The following FAS variants were observed in gnomAD, a reference collection of about 807,000 sequenced individuals.
FAS encodes Fas cell surface death receptor, also known as tumor necrosis factor receptor superfamily member 6.
Under a neutral mutation model 33.2 loss-of-function variants are expected in FAS, and 5 were observed. That is an observed-to-expected ratio of 0.15 (90% CI 0.08 to 0.32). FAS has a LOEUF of 0.32. Among genes scored for constraint, FAS ranks in the 10% least tolerant of loss-of-function variants. FAS has a pLI of 1.00. For missense variants in FAS, 339 were observed against 386.0 expected (o/e 0.88, Z 1.02); for synonymous variants, 131 against 130.7 (o/e 1.00, Z -0.01).
chr10:88,984,568 C>A (rs7916294), upstream of FAS, among the ~76,000 whole-genome samples: 54,726 of 152,090 alleles, frequency 0.36, 10,728 homozygotes, highest in African/African-American at 0.49. Flanking sequence ...CCAGTGTTTG[C>A]AAACTGGTTC....
chr10:88,968,572 G>A (rs1293110362), intron 1 of FAS, among the ~76,000 whole-genome samples: 1 of 152,196 alleles, frequency 6.6e-6, no homozygotes, highest in Non-Finnish European at 1.5e-5. Flanking sequence ...TAGAGAGGAA[G>A]AGAAAATTCT....
chr10:89,016,998 C>A lies in FAS; in HGVS notation c.*2548C>A, dbSNP rs567998629. 2.9e-4 allele frequency: 52 copies of A among 181,696 alleles called. No homozygotes were observed. The highest frequency in any genetic ancestry group is 2.1e-3 in the Middle Eastern group (1 of 474). The allele number at this position is 181,696 out of a possible 1,614,324, so 11.3% of individuals were successfully genotyped here. On this transcript the variant is annotated 3_prime_UTR_variant, in exon 9 of 9. Coordinates refer to ENST00000652046, the MANE Select transcript of FAS (RefSeq NM_000043.6). ...TGGTAATTTGTTTGGGTTTAGAATT[C>A]TATACAAGGCCATTTGTAATTTTCC...
intron 1 of FAS, among the ~76,000 whole-genome samples, chr10:88,965,112 A>C (rs1446586982): frequency 6.6e-6 from 1 of 152,114 alleles, no homozygotes; most frequent in Non-Finnish European, 1.5e-5. Flanking sequence ...AAACCTTCTT[A>C]GATGCATTTT....
In FAS at chr10:89,016,993, G is replaced by T. The variant is rs1848829410; in HGVS notation, c.*2543G>T. The T allele has an allele frequency of 5.5e-6, 1 of 182,104 alleles. No individual in the cohort carries two copies. Among genetic ancestry groups the T allele is most frequent in the African/African-American group, 2.4e-5 (1 of 42,444 alleles). 11.3% of individuals were successfully genotyped at this position (182,104 alleles called of 1,614,324 possible). A position where few individuals can be genotyped will look rare whatever the true frequency, so the allele number is the denominator to read the frequency against. On this transcript the variant is annotated 3_prime_UTR_variant, in exon 9 of 9. Coordinates refer to ENST00000652046, the MANE Select transcript of FAS (RefSeq NM_000043.6). ...CTGATTGGTAATTTGTTTGGGTTTAGAATTCTATACAAGGCCATTTGTAAT... is the reference window on the plus strand; with the variant it reads ...CTGATTGGTAATTTGTTTGGGTTTATAATTCTATACAAGGCCATTTGTAAT...
Position 89,010,742 on chromosome 10 carries a change from C to T in FAS, c.506-11C>T, listed in dbSNP as rs751461189. The T allele has an allele frequency of 1.9e-6, 3 of 1,613,894 alleles. No homozygotes were observed. Among genetic ancestry groups the T allele is most frequent in the African/African-American group, 1.3e-5 (1 of 74,910 alleles). ...ATTTTCATATAAAATGTCCAATGTTCCAACCTACAGGATCCAGATCTAACT... is the reference window on the plus strand; with the variant it reads ...ATTTTCATATAAAATGTCCAATGTTTCAACCTACAGGATCCAGATCTAACT... On this transcript the variant is annotated splice_polypyrimidine_tract_variant and intron_variant, in intron 5 of 8. Coordinates refer to ENST00000652046, the MANE Select transcript of FAS (RefSeq NM_000043.6).
At chr10:88,978,902 T>A (rs1279202456) in intron 2 of FAS, among the ~76,000 whole-genome samples, 1 of 151,414 alleles carries the variant, frequency 6.6e-6, no homozygotes, top group Admixed American at 6.6e-5. Flanking sequence ...TTATTATTAT[T>A]ATATTATTAT....
chr10:88,972,551 A>AT (rs1341361306), intron 1 of FAS, among the ~76,000 whole-genome samples: 2 of 149,718 alleles, frequency 1.3e-5, no homozygotes, highest in Non-Finnish European at 3.0e-5. Flanking sequence ...ATATTGTTTA[A>AT]TTTTTTTTCT....
chr10:88,980,364 C>T (rs1395501220), intron 2 of FAS, among the ~76,000 whole-genome samples: 2 of 152,166 alleles, frequency 1.3e-5, no homozygotes, highest in East Asian at 3.8e-4. Context: ...AGCATCAGGA[C>T]GCTGAACATA....
upstream of FAS, chr10:88,989,619 A>C (rs773333253): frequency 3.4e-5 from 18 of 528,812 alleles, no homozygotes; most frequent in Non-Finnish European, 6.4e-5. Flanking sequence ...GGTGATGGAA[A>C]GCCCTCAGGA....
At chr10:88,976,371 C>T (rs754636603) in intron 2 of FAS, among the ~76,000 whole-genome samples, 3 of 151,970 alleles carry the variant, frequency 2.0e-5, no homozygotes, top group Non-Finnish European at 4.4e-5. Context: ...ATCACAAATG[C>T]CAGAGTAAAC....
chr10:88,995,728 C>T (rs1395868897), intron 1 of FAS, among the ~76,000 whole-genome samples: 1 of 151,946 alleles, frequency 6.6e-6, no homozygotes, highest in East Asian at 1.9e-4. Context: ...CGGGAGGTCG[C>T]GGCAGGAGAA....
Position 89,010,795 on chromosome 10 carries a change from C to T in FAS, c.548C>T (p.Pro183Leu), listed in dbSNP as rs758835365. 6.2e-6 allele frequency: 10 copies of T among 1,613,912 alleles called. No homozygotes were observed. The highest frequency in any genetic ancestry group is 8.5e-6 in the Non-Finnish European group (10 of 1,179,994). Residue 183 changes from proline to leucine, a missense_variant, in exon 6 of 9, where the codon CCA becomes CTA. Physicochemically the swap from Pro to Leu is moderately conservative, Grantham distance 98 (BLOSUM62 -3). Transcript: ENST00000652046. The part of the protein sequence containing the change: ...NLGWLCLLLL[P>L]IPLIVWVKRK... Reference sequence around the variant, plus strand: ...GGGTGGCTTTGTCTTCTTCTTTTGCCAATTCCACTAATTGTTTGGGGTAAG... The same window carrying T: ...GGGTGGCTTTGTCTTCTTCTTTTGCTAATTCCACTAATTGTTTGGGGTAAG...
chr10:88,997,460 C>G (rs1437868152), intron 1 of FAS, among the ~76,000 whole-genome samples: 1 of 152,044 alleles, frequency 6.6e-6, no homozygotes, highest in African/African-American at 2.4e-5. Flanking sequence ...CCTGGACTTT[C>G]CAGAGATTGG....
chr10:88,991,470 G>A, intron 1 of FAS: 1 of 171,768 alleles, frequency 5.8e-6, no homozygotes, highest in South Asian at 1.5e-4. Flanking sequence ...CCGAAGCAGT[G>A]GTTAAGCCGG....
intron 1 of FAS, 138 bp downstream of exon 1, chr10:88,991,044 G>A: frequency 2.6e-6 from 3 of 1,147,904 alleles, no homozygotes; most frequent in Non-Finnish European, 3.8e-6. Context: ...GGCTGCTGCG[G>A]GAGGCGTTGG....
chr10:89,004,119 C>A (rs1848086744), intron 2 of FAS, among the ~76,000 whole-genome samples: 1 of 152,160 alleles, frequency 6.6e-6, no homozygotes, highest in Non-Finnish European at 1.5e-5. Flanking sequence ...TTTATTATAA[C>A]CTGCTAAACA....
intron 2 of FAS, among the ~76,000 whole-genome samples, chr10:89,007,106 A>G (rs113796825): frequency 3.9e-5 from 6 of 152,234 alleles, no homozygotes; most frequent in Non-Finnish European, 8.8e-5. Flanking sequence ...GCAATGCAAG[A>G]GAAATATTAC....
At chr10:88,990,586 G>T, upstream of FAS, 1 of 668,526 alleles carries the variant, frequency 1.5e-6, no homozygotes, top group Non-Finnish European at 2.7e-6. The surrounding 1 kb of genome is among the most constrained non-coding windows in gnomAD (Gnocchi z 4.9). Context: ...CAACCCGGGC[G>T]TTCCCCAGCG....
intron 1 of FAS, among the ~76,000 whole-genome samples, chr10:88,966,836 A>G (rs1439990187): frequency 2.0e-5 from 3 of 152,168 alleles, no homozygotes. Context: ...TCAAATTTGG[A>G]TTAATTAGGT....
Sources: gnomAD v4.1 joint callset for allele counts (sites outside exome capture counted in the v4.1 genomes callset) on GRCh38, gnomAD v4.1.1 for gene constraint, Gnocchi (gnomAD v3.1) non-coding constraint, MANE v1.5 for transcripts, NCBI Gene and HGNC (gene_info 2026-07-23, HGNC 2026-07-21) for gene names.